TBC1D32: variants seen among roughly 807,000 people sequenced by gnomAD.
The protein encoded by TBC1D32 is protein broad-minded.
A neutral mutation model predicts 170.3 loss-of-function variants in TBC1D32; 151 were observed. That is an observed-to-expected ratio of 0.89 (90% CI 0.78 to 1.01). The LOEUF is 1.01. Ranked by LOEUF, TBC1D32 falls within the 50% of genes least tolerant of loss-of-function variation. The pLI, the probability that TBC1D32 is intolerant of heterozygous loss-of-function variation, is 0.00. For synonymous variants in TBC1D32, 498 were observed against 488.0 expected (o/e 1.02, Z -0.27); for missense variants, 1,464 against 1,457.1 (o/e 1.00, Z -0.08).
At chr6:121,087,106 C>A (rs1414011119) in intron 31 of TBC1D32, among the ~76,000 whole-genome samples, 1 of 152,154 alleles carries the variant, frequency 6.6e-6, no homozygotes, top group African/African-American at 2.4e-5. Context: ...GAAAATGATG[C>A]AGTTAACTGC....
At chr6:121,106,194 TTAA>T in intron 29 of TBC1D32, 31 bp from the exon 30 acceptor site, 1 of 1,261,672 alleles carries the variant, frequency 7.9e-7, no homozygotes, top group Admixed American at 2.9e-5. Context: ...AAAAATTTTA[TTAA>T]TTTTATTATT....
At chr6:121,131,832 G>A in intron 24 of TBC1D32, 80 bp from the exon 25 acceptor site, 1 of 1,136,000 alleles carries the variant, frequency 8.8e-7, no homozygotes, top group African/African-American at 1.6e-5. Flanking sequence ...TATGTAAACA[G>A]TTGAAAATTC....
At chr6:121,223,374 A>C (rs779161711) in intron 20 of TBC1D32, 22 bp from the exon 21 acceptor site, 1 of 1,476,444 alleles carries the variant, frequency 6.8e-7, no homozygotes, top group South Asian at 1.2e-5. Flanking sequence ...GAAAACAGTC[A>C]TTTAAATGAT....
intron 3 of TBC1D32, among the ~76,000 whole-genome samples, chr6:121,313,011 G>C (rs1254223374): frequency 1.3e-4 from 19 of 151,966 alleles, no homozygotes; most frequent in Non-Finnish European, 4.4e-5. Flanking sequence ...TTGGGTTCTG[G>C]GTCAAGACCA....
At chr6:121,182,648 T>C (rs951752347) in intron 22 of TBC1D32, among the ~76,000 whole-genome samples, 1 of 152,028 alleles carries the variant, frequency 6.6e-6, no homozygotes, top group African/African-American at 2.4e-5. Context: ...AAGGCTAGGT[T>C]TACAAAGTGA....
intron 24 of TBC1D32, among the ~76,000 whole-genome samples, chr6:121,153,628 G>T (rs1224729909): frequency 6.6e-6 from 1 of 152,124 alleles, no homozygotes; most frequent in African/African-American, 2.4e-5. Context: ...GTCCCATGGA[G>T]ATGCGAGTTT....
chr6:121,151,968 G>T (rs1562676618), intron 24 of TBC1D32, among the ~76,000 whole-genome samples: 1 of 152,184 alleles, frequency 6.6e-6, no homozygotes, highest in East Asian at 1.9e-4. Context: ...TTGCCAGTCT[G>T]TGTCTTTTAA....
At chr6:121,209,974 T>A (rs1207944630) in intron 21 of TBC1D32, among the ~76,000 whole-genome samples, 1 of 152,198 alleles carries the variant, frequency 6.6e-6, no homozygotes, top group Non-Finnish European at 1.5e-5. Flanking sequence ...TGTTTACACA[T>A]CATTATCGTA....
chr6:121,094,124 G>A (rs1278323761), intron 30 of TBC1D32, among the ~76,000 whole-genome samples: 1 of 151,794 alleles, frequency 6.6e-6, no homozygotes, highest in Non-Finnish European at 1.5e-5. Context: ...ATCCCTGGAA[G>A]AATGCTGAGC....
chr6:121,252,084 A>G (rs1364381652), intron 17 of TBC1D32, among the ~76,000 whole-genome samples: 2 of 152,192 alleles, frequency 1.3e-5, no homozygotes, highest in Non-Finnish European at 2.9e-5. Context: ...CAGGTGCTAG[A>G]GAGGATGTCG....
rs573583481 is a variant in TBC1D32, at chr6:121,258,987, A to AAAAG, written c.1734-2706_1734-2703dup. Among the ~76,000 whole-genome samples, 43 of 151,966 alleles carry AAAAG rather than the reference A, an allele frequency of 2.8e-4. No homozygotes were observed. The South Asian group carries it at 7.9e-3, about 28-fold the overall frequency. On this transcript the variant is annotated intron_variant, in intron 15 of 31. Transcript: ENST00000398212. Reference sequence around the variant, plus strand: ...GAGACTTTCTTTAATATTAAAAAAAAAAAGAAAGAAAGAGAAGAAAGAAAA... The same window carrying AAAAG: ...GAGACTTTCTTTAATATTAAAAAAAAAAAGAAAGAAAGAAAGAGAAGAAAGAAAA...
intron 22 of TBC1D32, among the ~76,000 whole-genome samples, chr6:121,180,874 C>A (rs556255458): frequency 2.6e-5 from 4 of 151,912 alleles, no homozygotes; most frequent in Non-Finnish European, 2.9e-5. Context: ...GGAATTCAAA[C>A]AACTCAGTAA....
At chr6:121,143,221 TATACTC>T (rs1282909981) in intron 24 of TBC1D32, among the ~76,000 whole-genome samples, 1 of 152,154 alleles carries the variant, frequency 6.6e-6, no homozygotes, top group Non-Finnish European at 1.5e-5. Flanking sequence ...GATCCATACA[TATACTC>T]ATATACATGT....
At chr6:121,313,494 A>G (rs188201104) in intron 3 of TBC1D32, among the ~76,000 whole-genome samples, 1 of 151,950 alleles carries the variant, frequency 6.6e-6, no homozygotes, top group Admixed American at 6.6e-5. Flanking sequence ...AGCAAAAATA[A>G]GTTCACATCT....
chr6:121,139,964 A>T (rs1267022655), intron 24 of TBC1D32: 2 of 152,158 alleles, frequency 1.3e-5, no homozygotes, highest in African/African-American at 4.8e-5. Flanking sequence ...ATATATAGTA[A>T]TACCTACAAA....
intron 15 of TBC1D32, among the ~76,000 whole-genome samples, chr6:121,257,149 C>A (rs150068625): frequency 6.6e-6 from 1 of 152,274 alleles, no homozygotes; most frequent in African/African-American, 2.4e-5. Flanking sequence ...ACCATGGTGT[C>A]ATTTAACTTT....
rs879665377 is a variant in TBC1D32 at position 121,203,994 on chromosome 6, G to GA, written c.2570+1080dup. 1.4e-3 allele frequency among the ~76,000 whole-genome samples: 198 copies of GA among 140,794 alleles called. 4 individuals are homozygous for GA. Among genetic ancestry groups the GA allele is most frequent in the Middle Eastern group, 3.6e-3 (1 of 280 alleles). The allele number at this position is 140,794 out of a possible 152,430, so 92.4% of individuals were successfully genotyped here. On this transcript the variant is annotated intron_variant, in intron 22 of 31. Coordinates refer to ENST00000398212, the MANE Select transcript of TBC1D32 (RefSeq NM_152730.6). The stretch of plus-strand genomic sequence containing the variant: ...TCCATACAAGCAAGAAAATATACAG[G>GA]AAAAAAAAAAAGAAATTTGCTCAGT...
At chr6:121,143,766 T>G (rs1448805455) in intron 24 of TBC1D32, among the ~76,000 whole-genome samples, 1 of 152,166 alleles carries the variant, frequency 6.6e-6, no homozygotes, top group African/African-American at 2.4e-5. Flanking sequence ...TTAGCTTTAT[T>G]TAACGGTATT....
chr6:121,111,983 G>T (rs1474363422), intron 29 of TBC1D32, among the ~76,000 whole-genome samples: 5 of 152,014 alleles, frequency 3.3e-5, no homozygotes, highest in Non-Finnish European at 7.4e-5. Context: ...ATTGATTGAA[G>T]GATATACTTA....
Sources: gnomAD v4.1 joint callset for allele counts (sites outside exome capture counted in the v4.1 genomes callset) on GRCh38, gnomAD v4.1.1 for gene constraint, MANE v1.5 for transcripts, NCBI Gene and HGNC (gene_info 2026-07-23, HGNC 2026-07-21) for gene names.